The following CEP120 variants were observed in gnomAD, a reference collection of about 807,000 sequenced individuals.
CEP120 encodes centrosomal protein of 120 kDa.
Under a neutral mutation model 126.5 loss-of-function variants are expected in CEP120, and 113 were observed. The observed-to-expected ratio is 0.89, with a 90% CI of 0.77 to 1.04. The LOEUF (loss-of-function observed/expected upper bound fraction) is 1.04, where lower values mean the gene tolerates loss of function less well. CEP120 is among the 50% of genes least tolerant of loss of function. CEP120 has a pLI of 0.00. For missense variants in CEP120, 1,230 were observed against 1,155.7 expected (o/e 1.06, Z -0.93); for synonymous variants, 400 against 394.3 (o/e 1.01, Z -0.17).
At chr5:123,383,914 T>C (rs1771842530) in intron 11 of CEP120, among the ~76,000 whole-genome samples, 1 of 152,138 alleles carries the variant, frequency 6.6e-6, no homozygotes, top group Non-Finnish European at 1.5e-5. Context: ...TCTCACACAA[T>C]TAGAACTCTT....
At chr5:123,356,873 C>G (rs1358762266) in intron 18 of CEP120, among the ~76,000 whole-genome samples, 2 of 151,940 alleles carry the variant, frequency 1.3e-5, no homozygotes, top group Non-Finnish European at 2.9e-5. Flanking sequence ...TACAGTTAGC[C>G]TGATATTTAA....
intron 7 of CEP120, chr5:123,390,854 G>C (rs934792630): frequency 2.9e-6 from 1 of 344,764 alleles, no homozygotes; most frequent in Non-Finnish European, 5.2e-6. Flanking sequence ...GGAGTTGGGG[G>C]TGGGGGAGAC....
At chr5:123,382,288 T>A in intron 13 of CEP120, 88 bp from the exon 14 acceptor site, 3 of 556,990 alleles carry the variant, frequency 5.4e-6, no homozygotes, top group South Asian at 5.6e-5. Flanking sequence ...CCGATGCTGA[T>A]CACTAATATG....
chr5:123,393,368 C>T lies in CEP120; in HGVS notation c.742G>A (p.Ala248Thr). ...ACACTGCTACGGATGCGAACTGATG[C>T]TCTCTCTGGCTCAAAGTTTGGGTTG... ...LINPNFEPER[A>T]SVRIRSSVEI... The change falls in exon 6 of 20, where the codon GCA becomes ACA. Residue 248 changes from alanine (A) to threonine (T), a missense_variant. By Grantham distance (58) the Ala-to-Thr change is moderately conservative. Transcript: ENST00000306467. 3 of 1,614,122 alleles carry T rather than the reference C, an allele frequency of 1.9e-6. No homozygotes were observed. Among genetic ancestry groups the T allele is most frequent in the Non-Finnish European group, 8.5e-7 (1 of 1,180,008 alleles).
At chr5:123,400,241 T>TTCCAATC (rs1562071334) in intron 4 of CEP120, among the ~76,000 whole-genome samples, 2 of 152,156 alleles carry the variant, frequency 1.3e-5, no homozygotes, top group African/African-American at 2.4e-5. Flanking sequence ...CCCAGTTCTG[T>TTCCAATC]CCTTGACTTG....
intron 6 of CEP120, among the ~76,000 whole-genome samples, chr5:123,391,757 A>G (rs1347557898): frequency 6.6e-6 from 1 of 152,172 alleles, no homozygotes; most frequent in East Asian, 1.9e-4. Context: ...AAGTCAGTGG[A>G]TCAATCCTGA....
At chr5:123,411,089 C>T (rs1445439388) in intron 4 of CEP120, among the ~76,000 whole-genome samples, 1 of 152,120 alleles carries the variant, frequency 6.6e-6, no homozygotes, top group Non-Finnish European at 1.5e-5. Context: ...TGCTCAACAT[C>T]CTATGTCATT....
rs1768810143 is a variant in CEP120 at position 123,346,306 on chromosome 5, G to A, written c.*213C>T. 7 of 427,252 alleles carry A rather than the reference G, an allele frequency of 1.6e-5. No homozygotes were observed. Among genetic ancestry groups the A allele is most frequent in the Middle Eastern group, 6.0e-4 (1 of 1,678 alleles). 26.5% of individuals were successfully genotyped at this position (427,252 alleles called of 1,614,324 possible). On this transcript the variant is annotated 3_prime_UTR_variant, in exon 20 of 20. Transcript: ENST00000306467. ...AAAACACTGAAAAGTCATTTAAAAT[G>A]AGTATATAAATGCAAATTACAAATA...
chr5:123,416,051 A>G lies in CEP120; in HGVS notation c.280T>C (p.Tyr94His). ...PVTSAKETIG[Y>H]IVLDLRTAQE... is the part of the protein sequence containing the mutation. ...GCGGTTCTTAAATCCAGAACGATGT[A>G]ACCTATGGTTTCCTTGGCTGAAGTT... is the stretch of plus-strand genomic sequence containing the variant. The change falls in exon 3 of 20, where the codon TAC becomes CAC. Residue 94 changes from tyrosine to histidine, a missense_variant. Coordinates refer to ENST00000306467, the MANE Select transcript of CEP120 (RefSeq NM_001375405.1). The G allele has an allele frequency of 6.2e-7, 1 of 1,614,094 alleles. No individual in the cohort carries two copies. Among genetic ancestry groups the G allele is most frequent in the African/African-American group, 1.3e-5 (1 of 75,046 alleles).
In CEP120 at chr5:123,346,567, G is replaced by A. The variant is rs770810915; in HGVS notation, c.2913C>T (p.Leu971=). The A allele has an allele frequency of 2.0e-5, 32 of 1,613,344 alleles. No individual in the cohort carries two copies. Among genetic ancestry groups the A allele is most frequent in the Non-Finnish European group, 2.7e-5 (32 of 1,179,778 alleles). The stretch of plus-strand genomic sequence containing the variant: ...CCAAAATCTCTCTGATCTGTCGGTC[G>A]AGTTCACTTATTATTCGATCCTCGT... ...YNHEDRIISE[L]DRQIREILAK... is the part of the protein sequence containing the mutation. The change falls in exon 20 of 20, where the codon CTC becomes CTT. Residue 971 remains leucine (L), a synonymous_variant. Coordinates refer to ENST00000306467, the MANE Select transcript of CEP120 (RefSeq NM_001375405.1).
chr5:123,381,225 C>A (rs988516751), intron 14 of CEP120, among the ~76,000 whole-genome samples: 1 of 152,114 alleles, frequency 6.6e-6, no homozygotes, highest in Non-Finnish European at 1.5e-5. Flanking sequence ...GCAACCACTA[C>A]AATATATCTA....
At chr5:123,353,731 C>T (rs1769368224) in intron 18 of CEP120, among the ~76,000 whole-genome samples, 1 of 151,790 alleles carries the variant, frequency 6.6e-6, no homozygotes, top group East Asian at 1.9e-4. Flanking sequence ...GTTCTTCTTT[C>T]AAATTCACAT....
intron 18 of CEP120, among the ~76,000 whole-genome samples, chr5:123,362,212 A>G (rs1770132864): frequency 6.6e-6 from 1 of 151,654 alleles, no homozygotes; most frequent in African/African-American, 2.4e-5. Flanking sequence ...TTTAATTCTC[A>G]TTACCAGACC....
intron 18 of CEP120, among the ~76,000 whole-genome samples, chr5:123,354,221 T>C (rs991369107): frequency 2.0e-5 from 3 of 152,108 alleles, no homozygotes; most frequent in African/African-American, 7.2e-5. Flanking sequence ...GGACATTTCT[T>C]ATTATCTTTT....
chr5:123,365,184 G>T (rs887454292), intron 17 of CEP120, among the ~76,000 whole-genome samples: 4 of 151,482 alleles, frequency 2.6e-5, no homozygotes, highest in African/African-American at 4.8e-5. Context: ...GAAAAATAAT[G>T]TTCCTTAATA....
At chr5:123,417,722 A>G (rs1774473284) in intron 2 of CEP120, among the ~76,000 whole-genome samples, 3 of 151,990 alleles carry the variant, frequency 2.0e-5, no homozygotes, top group Admixed American at 6.5e-5. Flanking sequence ...AGGAAAAAAA[A>G]AAAACCCAAA....
intron 6 of CEP120, among the ~76,000 whole-genome samples, chr5:123,393,052 A>T (rs368768916): frequency 6.6e-6 from 1 of 152,122 alleles, no homozygotes; most frequent in Non-Finnish European, 1.5e-5. Flanking sequence ...AAGGACTGAT[A>T]ACTGATATAC....
chr5:123,385,258 C>G, intron 10 of CEP120, 125 bp from the exon 11 acceptor site: 1 of 658,616 alleles, frequency 1.5e-6, no homozygotes, highest in Non-Finnish European at 2.5e-6. Context: ...TGTCGTCTAA[C>G]ACAATTGTTA....
chr5:123,372,659 G>C lies in CEP120; in HGVS notation c.2472C>G (p.Thr824=). Residue 824 remains threonine (T), a synonymous_variant, in exon 17 of 20, where the codon ACC becomes ACG. Transcript: ENST00000306467. ...AAATTAACATGTGTACCTTTTCCAAGGTGAGAAGATTTATTTCAGACTGTA... is the reference window on the plus strand; with the variant it reads ...AAATTAACATGTGTACCTTTTCCAACGTGAGAAGATTTATTTCAGACTGTA... ...IRLQSEINLL[T]LEKVELERKL... The C allele has an allele frequency of 1.2e-6, 2 of 1,612,036 alleles. No homozygotes were observed. Among genetic ancestry groups the C allele is most frequent in the Non-Finnish European group, 1.7e-6 (2 of 1,178,892 alleles).
Sources: gnomAD v4.1 joint callset for allele counts (sites outside exome capture counted in the v4.1 genomes callset) on GRCh38, gnomAD v4.1.1 for gene constraint, MANE v1.5 for transcripts, NCBI Gene and HGNC (gene_info 2026-07-23, HGNC 2026-07-21) for gene names.